SEMA6D: variants seen among roughly 807,000 people sequenced by gnomAD.
The protein encoded by SEMA6D is semaphorin 6D.
A neutral mutation model predicts 106.6 loss-of-function variants in SEMA6D; 35 were observed. The observed-to-expected ratio is 0.33, with a 90% CI of 0.25 to 0.44. The LOEUF is 0.44. Ranked by LOEUF, SEMA6D falls within the 20% of genes least tolerant of loss-of-function variation. The pLI, the probability that SEMA6D is intolerant of heterozygous loss-of-function variation, is 1.00. For synonymous variants in SEMA6D, 499 were observed against 487.7 expected (o/e 1.02, Z -0.31); for missense variants, 1,185 against 1,345.9 (o/e 0.88, Z 1.87).
intron 1 of SEMA6D, among the ~76,000 whole-genome samples, chr15:47,407,456 T>C (rs1027150239): frequency 2.0e-5 from 3 of 146,530 alleles, no homozygotes; most frequent in Non-Finnish European, 4.5e-5. Context: ...AAGTGAACAA[T>C]TCCAAACAAC....
At chr15:47,744,197 G>T (rs942325727) in intron 1 of SEMA6D, among the ~76,000 whole-genome samples, 4 of 152,232 alleles carry the variant, frequency 2.6e-5, no homozygotes, top group South Asian at 4.1e-4. Flanking sequence ...AGCCTCTAAG[G>T]TCAGCTTTAA....
At chr15:47,693,064 T>G (rs574461493) in intron 4 of SEMA6D, among the ~76,000 whole-genome samples, 154 of 152,308 alleles carry the variant, frequency 1.0e-3, no homozygotes, top group African/African-American at 3.6e-3. Flanking sequence ...TAACTCTCGG[T>G]ACTTCAGAGT....
At chr15:47,274,176 C>T (rs893042870) in intron 1 of SEMA6D, 1 of 152,082 alleles carries the variant, frequency 6.6e-6, no homozygotes, top group African/African-American at 2.4e-5. Flanking sequence ...CATCCGCCTG[C>T]TTGTTTAAGA....
intron 4 of SEMA6D, among the ~76,000 whole-genome samples, chr15:47,706,487 C>T (rs1252001578): frequency 2.0e-5 from 3 of 152,080 alleles, no homozygotes; most frequent in African/African-American, 7.2e-5. Flanking sequence ...ATGAAATTGA[C>T]AAATACTTAT....
chr15:47,356,427 A>C (rs983821383), intron 1 of SEMA6D, among the ~76,000 whole-genome samples: 3 of 152,240 alleles, frequency 2.0e-5, no homozygotes, highest in African/African-American at 7.2e-5. Context: ...AAATGAGAGC[A>C]CAGTTAAAGC....
chr15:47,543,000 A>G (rs1195806517), intron 3 of SEMA6D, among the ~76,000 whole-genome samples: 1 of 152,146 alleles, frequency 6.6e-6, no homozygotes, highest in African/African-American at 2.4e-5. Context: ...AATGTCCTGC[A>G]CATTTACTGT....
At chr15:47,228,163 C>CACACACACACACACACACATAT (rs374770930) in intron 1 of SEMA6D, among the ~76,000 whole-genome samples, 6 of 136,810 alleles carry the variant, frequency 4.4e-5, no homozygotes, top group Non-Finnish European at 9.3e-5. Context: ...CACACACACA[C>CACACACACACACACACACATAT]ATATATATAT....
intron 4 of SEMA6D, among the ~76,000 whole-genome samples, chr15:47,636,504 C>T (rs576640215): frequency 2.0e-5 from 3 of 152,292 alleles, no homozygotes; most frequent in African/African-American, 7.2e-5. Context: ...CTACCCCAAG[C>T]TTCTCATCAG....
intron 1 of SEMA6D, among the ~76,000 whole-genome samples, chr15:47,341,541 A>G (rs1486167597): frequency 6.6e-6 from 1 of 152,214 alleles, no homozygotes; most frequent in Admixed American, 6.5e-5. Context: ...GACAGATTGT[A>G]TTCTCCCAGA....
At chr15:47,403,160 C>CT (rs1014036637) in intron 1 of SEMA6D, among the ~76,000 whole-genome samples, 19 of 151,956 alleles carry the variant, frequency 1.3e-4, no homozygotes, top group Admixed American at 3.9e-4. Context: ...TAACAAAAGC[C>CT]TTTTTTTTCC....
At chr15:47,501,919 C>T (rs2043862042) in intron 3 of SEMA6D, among the ~76,000 whole-genome samples, 1 of 151,780 alleles carries the variant, frequency 6.6e-6, no homozygotes, top group Admixed American at 6.6e-5. Context: ...TCTCCAGCAA[C>T]AATCAAACCT....
chr15:47,523,572 A>G (rs2044656799), intron 3 of SEMA6D, among the ~76,000 whole-genome samples: 1 of 152,188 alleles, frequency 6.6e-6, no homozygotes, highest in African/African-American at 2.4e-5. Flanking sequence ...GGAAGGTTTG[A>G]TGATTCTCAG....
intron 1 of SEMA6D, among the ~76,000 whole-genome samples, chr15:47,367,711 CACACACACACACACACAG>C (rs879358848): frequency 1.2e-3 from 171 of 147,302 alleles, no homozygotes; most frequent in Middle Eastern, 6.9e-3. Context: ...CACACACACA[CACACACACACACACACAG>C]AGAGAGAGAA....
At chr15:47,714,516 G>A (rs918090424), upstream of SEMA6D, among the ~76,000 whole-genome samples, 4 of 152,256 alleles carry the variant, frequency 2.6e-5, no homozygotes, top group African/African-American at 9.6e-5. Flanking sequence ...CAGATTTTCT[G>A]TAATTTTCAG....
At chr15:47,761,603 G>T (rs2082065445) in intron 6 of SEMA6D, 58 bp from the exon 7 acceptor site, 2 of 1,358,582 alleles carry the variant, frequency 1.5e-6, no homozygotes, top group Non-Finnish European at 2.1e-6. Context: ...AAATAGTATT[G>T]CCTTCAAACG....
At chr15:47,646,877 G>T (rs934376169) in intron 4 of SEMA6D, among the ~76,000 whole-genome samples, 2 of 152,118 alleles carry the variant, frequency 1.3e-5, no homozygotes, top group African/African-American at 4.8e-5. Flanking sequence ...TTTCATGAAA[G>T]AACAAGATTT....
At chr15:47,766,490 G>GTTTT in intron 15 of SEMA6D, 126 bp from the exon 16 acceptor site, 4 of 372,520 alleles carry the variant, frequency 1.1e-5, no homozygotes, top group Non-Finnish European at 1.8e-5. Context: ...TTAAAATGTT[G>GTTTT]TTTTTTTTTT....
chr15:47,761,106 C>T, intron 4 of SEMA6D, 52 bp from the exon 5 acceptor site: 4 of 1,611,614 alleles, frequency 2.5e-6, no homozygotes, highest in East Asian at 2.2e-5. Flanking sequence ...CCACTGCCTC[C>T]CCAAAAATGT....
chr15:47,714,871 T>C (rs978644545), upstream of SEMA6D, among the ~76,000 whole-genome samples: 2 of 152,212 alleles, frequency 1.3e-5, no homozygotes, highest in African/African-American at 4.8e-5. Context: ...CAAGTATTTA[T>C]TGGGCGTCCA....
Sources: allele counts gnomAD v4.1 joint callset (sites outside exome capture counted in the v4.1 genomes callset), GRCh38; gene constraint gnomAD v4.1.1; transcripts MANE v1.5; gene names NCBI Gene and HGNC (gene_info 2026-07-23, HGNC 2026-07-21).